The following STXBP6 variants were observed in gnomAD, a reference collection of about 807,000 sequenced individuals.
STXBP6 encodes syntaxin binding protein 6.
Under a neutral mutation model 26.9 loss-of-function variants are expected in STXBP6, and 21 were observed. The ratio of observed to expected loss-of-function variants is 0.78; its 90% CI spans 0.55 to 1.12. The LOEUF is 1.12. STXBP6 is among the 50% of genes most tolerant of loss of function. The pLI is 0.00. For synonymous variants in STXBP6, 97 were observed against 92.6 expected, an observed-to-expected ratio of 1.05 and a Z score of -0.27; for missense variants, 232 against 257.9, an observed-to-expected ratio of 0.90 and a Z score of 0.69.
chr14:25,014,340 C>G (rs2075099961), intron 1 of STXBP6, among the ~76,000 whole-genome samples: 1 of 152,108 alleles, frequency 6.6e-6, no homozygotes, highest in South Asian at 2.1e-4. Context: ...ACCAAAAATA[C>G]AAAAATCAGC....
chr14:25,049,513 C>T lies in STXBP6; in HGVS notation c.-33+365G>A. ...ACTGGGAGCCTCGGGGCAGCATTCT[C>T]GGGGCCCATGCCATCGCGGGGACGG... is the stretch of plus-strand genomic sequence containing the variant. On this transcript the variant is annotated intron_variant, in intron 1 of 5. Transcript: ENST00000323944. The surrounding 1 kb of genome is among the most constrained non-coding windows in gnomAD (Gnocchi z 5.6). The T allele has an allele frequency of 3.0e-6, 3 of 985,490 alleles. No homozygotes were observed. Among genetic ancestry groups the T allele is most frequent in the Non-Finnish European group, 3.6e-6 (3 of 830,018 alleles). The allele number at this position is 985,490 out of a possible 1,614,324, so 61.0% of individuals were successfully genotyped here.
intron 1 of STXBP6, among the ~76,000 whole-genome samples, chr14:25,025,975 A>G (rs553874498): frequency 2.6e-5 from 4 of 152,286 alleles, no homozygotes; most frequent in Admixed American, 2.6e-4. Context: ...CACAGCAAAT[A>G]CACAGCTGCT....
At chr14:24,914,040 AT>A (rs1206490670) in intron 2 of STXBP6, among the ~76,000 whole-genome samples, 4 of 152,176 alleles carry the variant, frequency 2.6e-5, no homozygotes, top group Non-Finnish European at 4.4e-5. Context: ...TTTCACTGTC[AT>A]TTGGTAACAG....
intron 2 of STXBP6, among the ~76,000 whole-genome samples, chr14:24,973,410 G>T (rs2073959166): frequency 8.8e-6 from 1 of 113,546 alleles, no homozygotes; most frequent in Non-Finnish European, 1.7e-5. Flanking sequence ...TTTTGAGACA[G>T]AGTCTCACTC....
At chr14:24,900,344 C>G (rs1218759147) in intron 2 of STXBP6, among the ~76,000 whole-genome samples, 2 of 152,280 alleles carry the variant, frequency 1.3e-5, no homozygotes, top group Non-Finnish European at 2.9e-5. Context: ...GTGGCACTAT[C>G]CCAGGCTTTG....
chr14:24,827,249 T>C (rs371641066), intron 4 of STXBP6, among the ~76,000 whole-genome samples: 3 of 152,266 alleles, frequency 2.0e-5, no homozygotes, highest in Non-Finnish European at 4.4e-5. Flanking sequence ...ATTTTTCATA[T>C]GAACTAGTGT....
intron 2 of STXBP6, among the ~76,000 whole-genome samples, chr14:24,895,340 A>C (rs1454297975): frequency 3.3e-5 from 5 of 152,248 alleles, no homozygotes; most frequent in Admixed American, 3.3e-4. Context: ...CATTAAGGAA[A>C]AGAGATTTAA....
Position 24,829,547 on chromosome 14 carries a change from C to T in STXBP6, c.452-10353G>A, listed in dbSNP as rs574816676. 6.0e-4 allele frequency among the ~76,000 whole-genome samples: 91 copies of T among 152,320 alleles called. 1 individual carries two copies. Among genetic ancestry groups the T allele is most frequent in the Non-Finnish European group, 1.2e-3 (81 of 68,024 alleles). On this transcript the variant is annotated intron_variant, in intron 4 of 5. Coordinates refer to ENST00000323944, the MANE Select transcript of STXBP6 (RefSeq NM_001394410.1). ...GCATCTTTACCCATACATCTCTTTT[C>T]TTGCCTCTGAGACTTTGCAGACACT...
chr14:24,893,651 C>T (rs1456190028), intron 2 of STXBP6, among the ~76,000 whole-genome samples: 1 of 152,184 alleles, frequency 6.6e-6, no homozygotes, highest in African/African-American at 2.4e-5. Flanking sequence ...AACACAAATG[C>T]CTAACAAATA....
In STXBP6 at chr14:24,812,120, A is replaced by G. The variant is rs1211655340; in HGVS notation, c.*589T>C. 6.7e-6 allele frequency: 1 copy of G among 150,132 alleles called. No homozygotes were observed. Among genetic ancestry groups the G allele is most frequent in the Non-Finnish European group, 1.5e-5 (1 of 67,816 alleles). 9.3% of individuals were successfully genotyped at this position (150,132 alleles called of 1,614,324 possible). A position where few individuals can be genotyped will look rare whatever the true frequency, so the allele number is the denominator to read the frequency against. On this transcript the variant is annotated 3_prime_UTR_variant, in exon 6 of 6. Coordinates refer to ENST00000323944, the MANE Select transcript of STXBP6 (RefSeq NM_001394410.1). ...TTTTTTTGAACGCTGGTGATGGTTCATGCAAAAGATTACTATGCAAGGAGC... is the reference window on the plus strand; with the variant it reads ...TTTTTTTGAACGCTGGTGATGGTTCGTGCAAAAGATTACTATGCAAGGAGC...
chr14:24,969,510 G>A (rs1260397776), intron 2 of STXBP6, among the ~76,000 whole-genome samples: 1 of 152,170 alleles, frequency 6.6e-6, no homozygotes, highest in Non-Finnish European at 1.5e-5. Context: ...TATAGACATT[G>A]TTGTGGGTAG....
chr14:25,012,923 G>A (rs1665405709), intron 1 of STXBP6, among the ~76,000 whole-genome samples: 1 of 152,026 alleles, frequency 6.6e-6, no homozygotes, highest in South Asian at 2.1e-4. Flanking sequence ...GACAATTTTA[G>A]TTTCAATAAG....
chr14:25,036,948 A>G (rs1488738020), intron 1 of STXBP6, among the ~76,000 whole-genome samples: 1 of 151,924 alleles, frequency 6.6e-6, no homozygotes, highest in Non-Finnish European at 1.5e-5. Flanking sequence ...CCTGCTTTTT[A>G]CACGGAATAT....
rs555216423 is a variant in STXBP6, at chr14:24,934,920, T to C, written c.154+39745A>G. ...CCTTAAGTGATATTAATACTCTTTT[T>C]AAAAAAAATCTCAAAAAATACTTGA... On this transcript the variant is annotated intron_variant, in intron 2 of 5. Transcript: ENST00000323944. Among the ~76,000 whole-genome samples the C allele has an allele frequency of 8.5e-5, 13 of 152,078 alleles. No individual in the cohort carries two copies. The South Asian group carries it at 1.9e-3, about 22-fold the overall frequency.
In STXBP6 at chr14:25,044,041, C is replaced by A. The variant is rs575587955; in HGVS notation, c.-33+5837G>T. Among the ~76,000 whole-genome samples the A allele has an allele frequency of 2.0e-5, 3 of 151,894 alleles. No individual in the cohort carries two copies. The South Asian group carries it at 6.3e-4, about 32-fold the overall frequency. On this transcript the variant is annotated intron_variant, in intron 1 of 5. Transcript: ENST00000323944. ...AAAAAATTAACTGGAGGTGGTGGCA[C>A]ATGCCTGTAGTCCCAGCTACTCGGG...
chr14:25,046,908 G>C (rs1348114460), intron 1 of STXBP6, among the ~76,000 whole-genome samples: 1 of 152,238 alleles, frequency 6.6e-6, no homozygotes. Context: ...GAGACGAAGA[G>C]AGGGTCTCAG....
chr14:24,821,851 A>G (rs1177812380), intron 4 of STXBP6, among the ~76,000 whole-genome samples: 1 of 152,088 alleles, frequency 6.6e-6, no homozygotes, highest in Non-Finnish European at 1.5e-5. Context: ...TCTGTTGACC[A>G]TTCCCTAAAT....
chr14:24,849,962 G>C (rs1370741504), intron 4 of STXBP6, among the ~76,000 whole-genome samples: 9 of 152,090 alleles, frequency 5.9e-5, no homozygotes, highest in Admixed American at 3.9e-4. Flanking sequence ...GCATGTGTAG[G>C]AGTGTGAGGT....
At chr14:24,880,151 G>C (rs1278261650) in intron 2 of STXBP6, among the ~76,000 whole-genome samples, 2 of 152,096 alleles carry the variant, frequency 1.3e-5, no homozygotes, top group Admixed American at 6.6e-5. Flanking sequence ...TGTGCTAAAG[G>C]GTGCTGGGAA....
Sources: gnomAD v4.1 joint callset for allele counts (sites outside exome capture counted in the v4.1 genomes callset) on GRCh38, gnomAD v4.1.1 for gene constraint, Gnocchi (gnomAD v3.1) non-coding constraint, MANE v1.5 for transcripts, NCBI Gene and HGNC (gene_info 2026-07-23, HGNC 2026-07-21) for gene names.